Variants in RPS6KC1 observed in about 807,000 individuals in gnomAD.
RPS6KC1 encodes the protein ribosomal protein S6 kinase C1, also known as inactive ribosomal protein S6 kinase delta-1.
A neutral mutation model predicts 103.8 loss-of-function variants in RPS6KC1; 54 were observed. The ratio of observed to expected loss-of-function variants is 0.52; its 90% CI spans 0.42 to 0.65. The LOEUF (loss-of-function observed/expected upper bound fraction) is 0.65. RPS6KC1 is among the 30% of genes least tolerant of loss of function. RPS6KC1 has a pLI of 0.00. For missense variants in RPS6KC1, 1,151 were observed against 1,253.8 expected (o/e 0.92, Z 1.24); for synonymous variants, 439 against 438.7 (o/e 1.00, Z -0.01).
chr1:213,363,694 CT>C, the RPS6KC1 span, among the ~76,000 whole-genome samples: 2 of 96,374 alleles, frequency 2.1e-5, no homozygotes, highest in Non-Finnish European at 4.1e-5. Flanking sequence ...TTCTTTCTTT[CT>C]TTCTTTCCTT....
chr1:213,773,536 G>T, the RPS6KC1 span, among the ~76,000 whole-genome samples: 7 of 147,952 alleles, frequency 4.7e-5, no homozygotes, highest in African/African-American at 1.5e-4. Flanking sequence ...ATTATGTATA[G>T]ATATATATAT....
chr1:213,357,575 G>C, the RPS6KC1 span, among the ~76,000 whole-genome samples: 1 of 152,236 alleles, frequency 6.6e-6, no homozygotes, highest in Admixed American at 6.5e-5. Context: ...GGTCTGACCA[G>C]CAGGGCTCTG....
the RPS6KC1 span, among the ~76,000 whole-genome samples, chr1:213,358,298 C>A: frequency 2.0e-5 from 3 of 152,158 alleles, no homozygotes; most frequent in African/African-American, 7.2e-5. Context: ...TTAATTATGG[C>A]CTCAATTTCC....
chr1:213,544,769 T>A, the RPS6KC1 span, among the ~76,000 whole-genome samples: 1 of 152,224 alleles, frequency 6.6e-6, no homozygotes, highest in Non-Finnish European at 1.5e-5. Flanking sequence ...TGGCCCCCTT[T>A]ACTATTCACC....
At chr1:213,644,280 C>T in the RPS6KC1 span, among the ~76,000 whole-genome samples, 1 of 152,012 alleles carries the variant, frequency 6.6e-6, no homozygotes, top group African/African-American at 2.4e-5. Flanking sequence ...AATATTCCCC[C>T]TATTCTCACA....
At chr1:213,217,789 A>C (rs2093707862) in intron 8 of RPS6KC1, among the ~76,000 whole-genome samples, 1 of 152,242 alleles carries the variant, frequency 6.6e-6, no homozygotes, top group Non-Finnish European at 1.5e-5. Flanking sequence ...TTACCTCAAT[A>C]GATGCAGAAA....
At chr1:213,701,140 A>G in the RPS6KC1 span, among the ~76,000 whole-genome samples, 18 of 152,022 alleles carry the variant, frequency 1.2e-4, no homozygotes, top group African/African-American at 4.3e-4. Context: ...TCCAGGTCTC[A>G]GAGAAAAGGC....
the RPS6KC1 span, among the ~76,000 whole-genome samples, chr1:213,425,552 T>A: frequency 6.6e-6 from 1 of 152,182 alleles, no homozygotes. Flanking sequence ...AACCACTGCA[T>A]CTGATTTCTC....
chr1:213,506,977 C>A, the RPS6KC1 span, among the ~76,000 whole-genome samples: 4 of 152,178 alleles, frequency 2.6e-5, no homozygotes, highest in African/African-American at 9.7e-5. Flanking sequence ...CATTAAGCAA[C>A]TTTCTGACAC....
At chr1:213,719,655 G>A in the RPS6KC1 span, among the ~76,000 whole-genome samples, 1 of 152,172 alleles carries the variant, frequency 6.6e-6, no homozygotes, top group East Asian at 1.9e-4. Context: ...ATGTGACCAA[G>A]CTGCAGGCAT....
chr1:213,606,478 T>C, the RPS6KC1 span, among the ~76,000 whole-genome samples: 3 of 152,212 alleles, frequency 2.0e-5, no homozygotes, highest in East Asian at 1.9e-4. Flanking sequence ...GAGAAAGCCA[T>C]GTGTTTGAAG....
At chr1:213,545,601 A>T in the RPS6KC1 span, among the ~76,000 whole-genome samples, 1 of 151,982 alleles carries the variant, frequency 6.6e-6, no homozygotes, top group Non-Finnish European at 1.5e-5. Context: ...GTCCACCTTC[A>T]TGACCTCATT....
At chr1:213,414,809 T>C in the RPS6KC1 span, among the ~76,000 whole-genome samples, 1 of 144,662 alleles carries the variant, frequency 6.9e-6, no homozygotes, top group African/African-American at 2.5e-5. Flanking sequence ...GGGGTTTTAG[T>C]TGGGGGGCAG....
chr1:213,596,758 G>T, the RPS6KC1 span, among the ~76,000 whole-genome samples: 1 of 152,122 alleles, frequency 6.6e-6, no homozygotes, highest in African/African-American at 2.4e-5. Context: ...TCATTTTCTT[G>T]GCTCTGTTCA....
the RPS6KC1 span, among the ~76,000 whole-genome samples, chr1:213,739,412 T>C: frequency 6.6e-6 from 1 of 152,186 alleles, no homozygotes; most frequent in African/African-American, 2.4e-5. Flanking sequence ...TTATACATGG[T>C]CTTTTGACTG....
chr1:213,123,022 TGG>T (rs1212995219), intron 5 of RPS6KC1, among the ~76,000 whole-genome samples: 6 of 152,186 alleles, frequency 3.9e-5, no homozygotes. Context: ...AGAAAATTCA[TGG>T]TATGCCATGG....
At chr1:213,272,240 A>G (rs2095062812) in intron 14 of RPS6KC1, among the ~76,000 whole-genome samples, 1 of 152,220 alleles carries the variant, frequency 6.6e-6, no homozygotes. Context: ...TGATAGGTAT[A>G]ACTATCCTAT....
intron 6 of RPS6KC1, among the ~76,000 whole-genome samples, chr1:213,140,590 C>T (rs2086898600): frequency 6.6e-6 from 1 of 152,100 alleles, no homozygotes. Context: ...GTCTATTGAG[C>T]TGATCATGTA....
chr1:213,466,011 T>TG, the RPS6KC1 span, among the ~76,000 whole-genome samples: 6 of 152,062 alleles, frequency 3.9e-5, no homozygotes, highest in Admixed American at 1.3e-4. Flanking sequence ...GGTCAGGCTT[T>TG]GGGGGGCAGA....
Sources: gnomAD v4.1 joint callset for allele counts (sites outside exome capture counted in the v4.1 genomes callset) on GRCh38, gnomAD v4.1.1 for gene constraint, MANE v1.5 for transcripts, NCBI Gene and HGNC (gene_info 2026-07-23, HGNC 2026-07-21) for gene names.